The following VOPP1 variants were observed in gnomAD, a reference collection of about 807,000 sequenced individuals.
The protein encoded by VOPP1 is VOPP1 WW domain binding protein, also known as WW domain binding protein VOPP1.
In VOPP1, 8 loss-of-function variants were observed where a neutral mutation model predicts 23.5. The observed-to-expected ratio is 0.34, with a 90% confidence interval of 0.20 to 0.61. The LOEUF is 0.61. Among genes scored for constraint, VOPP1 ranks in the 20% least tolerant of loss-of-function variants. VOPP1 has a pLI of 0.78. For missense variants in VOPP1, 174 were observed against 238.1 expected (o/e 0.73, Z 1.77); for synonymous variants, 83 against 97.3 (o/e 0.85, Z 0.86).
intron 1 of VOPP1, among the ~76,000 whole-genome samples, chr7:55,555,588 G>A (rs995378587): frequency 5.3e-5 from 8 of 152,138 alleles, no homozygotes; most frequent in Non-Finnish European, 1.2e-4. Flanking sequence ...TGCCATTTGG[G>A]TCCAGGGTAT....
chr7:55,460,451 G>A (rs559234276), intron 4 of VOPP1, among the ~76,000 whole-genome samples: 76 of 152,262 alleles, frequency 5.0e-4, no homozygotes, highest in Non-Finnish European at 7.6e-4. Flanking sequence ...ATGTTTCTAT[G>A]TTGATTCTTC....
At chr7:55,535,527 C>G (rs978583465) in intron 1 of VOPP1, among the ~76,000 whole-genome samples, 1 of 152,192 alleles carries the variant, frequency 6.6e-6, no homozygotes, top group Non-Finnish European at 1.5e-5. Context: ...TCCCCCGCCC[C>G]GCAGCCATTT....
At chr7:55,498,744 G>C (rs1794159796) in intron 2 of VOPP1, among the ~76,000 whole-genome samples, 1 of 152,144 alleles carries the variant, frequency 6.6e-6, no homozygotes, top group African/African-American at 2.4e-5. Flanking sequence ...TGAATGTGTA[G>C]ATTATTGCAG....
intron 1 of VOPP1, among the ~76,000 whole-genome samples, chr7:55,561,014 C>T (rs7807352): frequency 0.3 from 44,892 of 152,004 alleles, 7,844 homozygotes; most frequent in East Asian, 0.54. Flanking sequence ...GCTTAGGGGG[C>T]CAGTCAGGGC....
intron 1 of VOPP1, among the ~76,000 whole-genome samples, chr7:55,563,387 G>C (rs1798052679): frequency 6.6e-6 from 1 of 152,096 alleles, no homozygotes; most frequent in Admixed American, 6.5e-5. Context: ...TACATTAAAA[G>C]AGTGATATTA....
chr7:55,526,212 C>T (rs1796182957), intron 1 of VOPP1, among the ~76,000 whole-genome samples: 1 of 152,224 alleles, frequency 6.6e-6, no homozygotes. Context: ...GGAGCAACTC[C>T]CTTGAGGGGA....
At chr7:55,437,256 G>T (rs1455836398) in intron 4 of VOPP1, among the ~76,000 whole-genome samples, 1 of 152,208 alleles carries the variant, frequency 6.6e-6, no homozygotes, top group African/African-American at 2.4e-5. Flanking sequence ...CCCCACGGAG[G>T]CCGCCTCGTA....
chr7:55,502,066 T>C (rs1004456909), intron 2 of VOPP1, among the ~76,000 whole-genome samples: 2 of 152,250 alleles, frequency 1.3e-5, no homozygotes, highest in Admixed American at 6.5e-5. Flanking sequence ...TTTCATGAGC[T>C]GAATTTGCTA....
chr7:55,524,142 T>C (rs990804825), intron 1 of VOPP1, among the ~76,000 whole-genome samples: 5 of 152,318 alleles, frequency 3.3e-5, no homozygotes, highest in East Asian at 1.9e-4. Flanking sequence ...ATTTCCATCC[T>C]ACTCTTCTTC....
In VOPP1 at chr7:55,470,644, G is replaced by A. The variant is rs1190260628; in HGVS notation, c.*2211C>T. On this transcript the variant is annotated 3_prime_UTR_variant, in exon 5 of 5. Coordinates refer to ENST00000285279, the MANE Select transcript of VOPP1 (RefSeq NM_030796.5). ...AATTTATTTTTATTTTGCACACATA[G>A]GAAACAGGATCCTATCAAAAGAGAA... The A allele has an allele frequency of 2.0e-5, 3 of 152,154 alleles. No individual in the cohort carries two copies. The highest frequency in any genetic ancestry group is 6.5e-5 in the Admixed American group (1 of 15,286). 9.4% of individuals were successfully genotyped at this position (152,154 alleles called of 1,614,324 possible).
At chr7:55,523,046 T>G (rs1446764840) in intron 1 of VOPP1, among the ~76,000 whole-genome samples, 2 of 152,290 alleles carry the variant, frequency 1.3e-5, no homozygotes, top group East Asian at 3.9e-4. Context: ...CCTTGGTGGG[T>G]GTCTTCTTCT....
At chr7:55,501,727 C>T (rs1483287988) in intron 2 of VOPP1, among the ~76,000 whole-genome samples, 1 of 152,174 alleles carries the variant, frequency 6.6e-6, no homozygotes, top group Non-Finnish European at 1.5e-5. Flanking sequence ...GCCTCCTCTG[C>T]ACGTGCTGAT....
chr7:55,509,437 G>A (rs1055930625), intron 2 of VOPP1, among the ~76,000 whole-genome samples: 3 of 152,174 alleles, frequency 2.0e-5, no homozygotes, highest in African/African-American at 7.2e-5. Context: ...GAGGGCAGGG[G>A]AGCTCCCTGC....
At chr7:55,435,128 G>GAGAC (rs1445556752), downstream of VOPP1, among the ~76,000 whole-genome samples, 1 of 152,224 alleles carries the variant, frequency 6.6e-6, no homozygotes, top group Non-Finnish European at 1.5e-5. Flanking sequence ...AGTCTGGTGA[G>GAGAC]AGACTGGATG....
intron 4 of VOPP1, among the ~76,000 whole-genome samples, chr7:55,461,964 AAAT>A (rs1446527562): frequency 6.6e-6 from 1 of 152,182 alleles, no homozygotes; most frequent in African/African-American, 2.4e-5. Context: ...TTCATGATGC[AAAT>A]ATCAGCCTTT....
chr7:55,481,798 G>C (rs1401552764), intron 4 of VOPP1, among the ~76,000 whole-genome samples: 1 of 152,152 alleles, frequency 6.6e-6, no homozygotes, highest in East Asian at 1.9e-4. Flanking sequence ...CCAGCTTCAG[G>C]GGCTTGAGGC....
intron 4 of VOPP1, among the ~76,000 whole-genome samples, chr7:55,459,162 T>G (rs1311514501): frequency 6.6e-6 from 1 of 151,526 alleles, no homozygotes; most frequent in African/African-American, 2.4e-5. Flanking sequence ...TTCATTCCAC[T>G]GATGTCATCA....
chr7:55,525,792 A>T (rs1333854276), intron 1 of VOPP1, among the ~76,000 whole-genome samples: 380 of 5,528 alleles, frequency 0.069, 5 homozygotes, highest in South Asian at 0.17. Flanking sequence ...ACCTCTCTAA[A>T]AAAAAAAAAA....
At chr7:55,449,014 G>T (rs1791173326) in intron 4 of VOPP1, among the ~76,000 whole-genome samples, 1 of 152,238 alleles carries the variant, frequency 6.6e-6, no homozygotes, top group African/African-American at 2.4e-5. Flanking sequence ...GTAAAACAGA[G>T]ACTCCCGTGT....
Sources: gnomAD v4.1 joint callset for allele counts (sites outside exome capture counted in the v4.1 genomes callset) on GRCh38, gnomAD v4.1.1 for gene constraint, MANE v1.5 for transcripts, NCBI Gene and HGNC (gene_info 2026-07-23, HGNC 2026-07-21) for gene names.